The following INTS4 variants were observed in gnomAD, a reference collection of about 807,000 sequenced individuals.
The protein encoded by INTS4 is integrator complex subunit 4.
INTS4 carries 70 observed loss-of-function variants against 119.5 expected under a neutral mutation model. The ratio of observed to expected loss-of-function variants is 0.59; its 90% CI spans 0.48 to 0.71. The LOEUF is 0.71. INTS4 is among the 30% of genes least tolerant of loss of function. The pLI is 0.00. For synonymous variants in INTS4, 316 were observed against 419.6 expected, an observed-to-expected ratio of 0.75 and a Z score of 3.02; for missense variants, 867 against 1,173.2, an observed-to-expected ratio of 0.74 and a Z score of 3.81.
chr11:77,954,092 G>A (rs1224237217), intron 8 of INTS4, among the ~76,000 whole-genome samples: 3 of 152,182 alleles, frequency 2.0e-5, no homozygotes, highest in Non-Finnish European at 4.4e-5. Context: ...GATTATAGGC[G>A]TGAGCCACAA....
At chr11:77,945,480 G>A (rs1191096351) in intron 8 of INTS4, among the ~76,000 whole-genome samples, 3 of 152,140 alleles carry the variant, frequency 2.0e-5, no homozygotes, top group African/African-American at 7.2e-5. Context: ...ATGATCACAT[G>A]ATGGCCTGCA....
intron 22 of INTS4, 126 bp from the exon 23 acceptor site, chr11:77,879,253 C>A (rs1221193538): frequency 3.1e-6 from 3 of 957,938 alleles, no homozygotes; most frequent in Non-Finnish European, 4.6e-6. Context: ...TCTACATTCC[C>A]TCCCCTTACC....
intron 17 of INTS4, among the ~76,000 whole-genome samples, 180 bp from the exon 18 acceptor site, chr11:77,901,731 T>C: frequency 6.6e-6 from 1 of 151,938 alleles, no homozygotes; most frequent in Non-Finnish European, 1.5e-5. Context: ...ATAAATTATT[T>C]TGCCTACTTA....
chr11:77,958,566 T>A (rs1954387260), intron 7 of INTS4, among the ~76,000 whole-genome samples, 180 bp downstream of exon 7: 1 of 152,224 alleles, frequency 6.6e-6, no homozygotes, highest in East Asian at 1.9e-4. Flanking sequence ...AAAGTTCCTA[T>A]CAGAGATGAA....
intron 2 of INTS4, among the ~76,000 whole-genome samples, chr11:77,989,285 C>T (rs555588434): frequency 2.6e-5 from 4 of 151,960 alleles, no homozygotes; most frequent in African/African-American, 7.3e-5. Flanking sequence ...GTCTGGAATT[C>T]GAGACTAGCC....
intron 4 of INTS4, among the ~76,000 whole-genome samples, chr11:77,977,111 ATAAAAATAAATAAATTC>A (rs1855983459): frequency 6.6e-6 from 1 of 152,102 alleles, no homozygotes; most frequent in Non-Finnish European, 1.5e-5. Flanking sequence ...TAAAATAAAA[ATAAAAATAAATAAATTC>A]TAAATGTTTT....
intron 4 of INTS4, among the ~76,000 whole-genome samples, chr11:77,974,704 C>T (rs138081268): frequency 6.7e-4 from 102 of 151,592 alleles, no homozygotes; most frequent in African/African-American, 2.4e-3. Flanking sequence ...CCAGGCACAG[C>T]GATCCTCCCA....
intron 2 of INTS4, among the ~76,000 whole-genome samples, chr11:77,989,166 G>GA (rs1565295303): frequency 6.6e-6 from 1 of 151,998 alleles, no homozygotes; most frequent in Non-Finnish European, 1.5e-5. Context: ...GAAATAATTA[G>GA]AAAAAAATGA....
intron 2 of INTS4, chr11:77,987,702 CA>C (rs886291939): frequency 1.2e-4 from 54 of 438,184 alleles, no homozygotes; most frequent in East Asian, 1.5e-4. Context: ...TCCATCTCTA[CA>C]AAAAAAATTA....
intron 2 of INTS4, among the ~76,000 whole-genome samples, chr11:77,988,945 T>C (rs772545765): frequency 6.6e-6 from 1 of 152,204 alleles, no homozygotes; most frequent in Non-Finnish European, 1.5e-5. Context: ...GCATTTTGAT[T>C]TGAATACATC....
chr11:77,938,474 T>A (rs1484112826), intron 10 of INTS4, among the ~76,000 whole-genome samples, 177 bp downstream of exon 10: 3 of 152,312 alleles, frequency 2.0e-5, no homozygotes, highest in African/African-American at 7.2e-5. Context: ...CTCTTTACCA[T>A]TGTCTCATAC....
Position 77,891,271 on chromosome 11 carries a change from A to G in INTS4, c.2592+48T>C, listed in dbSNP as rs73499843. On this transcript the variant is annotated intron_variant, in intron 21 of 22. Coordinates refer to ENST00000534064, the MANE Select transcript of INTS4 (RefSeq NM_033547.4). Reference sequence around the variant, plus strand: ...CAGGGGTGCTAACATTAAATACTTCAACACAATGTCAGTCTAGAAGCTCCA... The same window carrying G: ...CAGGGGTGCTAACATTAAATACTTCGACACAATGTCAGTCTAGAAGCTCCA... 3.6e-4 allele frequency: 568 copies of G among 1,581,158 alleles called. 3 individuals carry two copies. In the African/African-American group the frequency reaches 6.3e-3, roughly 18 times the overall value.
intron 2 of INTS4, among the ~76,000 whole-genome samples, chr11:77,983,274 T>C (rs1281412450): frequency 6.6e-6 from 1 of 152,198 alleles, no homozygotes; most frequent in African/African-American, 2.4e-5. Context: ...TTTGCTGTTT[T>C]TCTAGTTTTG....
chr11:77,913,923 G>A (rs541265852), intron 15 of INTS4, among the ~76,000 whole-genome samples: 2 of 152,236 alleles, frequency 1.3e-5, no homozygotes, highest in African/African-American at 2.4e-5. Flanking sequence ...CTCAGAAAGT[G>A]TAAGTTGTGG....
chr11:77,881,951 A>T (rs1284725654), intron 22 of INTS4, among the ~76,000 whole-genome samples: 3 of 148,320 alleles, frequency 2.0e-5, no homozygotes, highest in East Asian at 2.0e-4. Flanking sequence ...TTGCTCTGTT[A>T]CCCAGGCTGG....
chr11:77,994,490 C>A (rs2016147), intron 1 of INTS4, 100 bp downstream of exon 1: 125,981 of 916,690 alleles, frequency 0.14, 10,223 homozygotes, highest in East Asian at 0.26. Context: ...CAGCACTTAA[C>A]ACGGGCGTAT....
At chr11:77,878,095 G>A (rs1285297284), downstream of INTS4, among the ~76,000 whole-genome samples, 1 of 152,148 alleles carries the variant, frequency 6.6e-6, no homozygotes, top group Non-Finnish European at 1.5e-5. Flanking sequence ...AGGCGCGGTT[G>A]CTCACACTTG....
rs551023570 is a variant in INTS4 at position 77,928,157 on chromosome 11, A to G, written c.1371+185T>C. Among the ~76,000 whole-genome samples the G allele has an allele frequency of 1.4e-4, 21 of 152,328 alleles. No individual in the cohort carries two copies. In the South Asian group the frequency reaches 3.9e-3, roughly 29 times the overall value. ...ATCCTATCCTTTCTTGATCACAGAA[A>G]GACCAAGCTTATTCAAATTTCCTGT... On this transcript the variant is annotated intron_variant, in intron 11 of 22. Coordinates refer to ENST00000534064, the MANE Select transcript of INTS4 (RefSeq NM_033547.4).
chr11:77,930,749 G>A (rs1418497466), intron 10 of INTS4, among the ~76,000 whole-genome samples: 3 of 152,150 alleles, frequency 2.0e-5, no homozygotes, highest in Non-Finnish European at 4.4e-5. Context: ...AGAGGCCAAG[G>A]CAGGAGGATC....
Sources: gnomAD v4.1 joint callset for allele counts (sites outside exome capture counted in the v4.1 genomes callset) on GRCh38, gnomAD v4.1.1 for gene constraint, MANE v1.5 for transcripts, NCBI Gene and HGNC (gene_info 2026-07-23, HGNC 2026-07-21) for gene names.